PLPP4: variants seen among roughly 807,000 people sequenced by gnomAD.
The protein encoded by PLPP4 is phospholipid phosphatase 4.
PLPP4 carries 20 observed loss-of-function variants against 32.2 expected under a neutral mutation model. The ratio of observed to expected loss-of-function variants is 0.62; its 90% confidence interval spans 0.44 to 0.90. The LOEUF is 0.90. PLPP4 is among the 40% of genes least tolerant of loss of function. The pLI is 0.00. For missense variants in PLPP4, 257 were observed against 353.1 expected (o/e 0.73, Z 2.18); for synonymous variants, 127 against 133.0 (o/e 0.95, Z 0.31).
chr10:120,572,346 G>A (rs1483323872), intron 5 of PLPP4, among the ~76,000 whole-genome samples: 1 of 152,218 alleles, frequency 6.6e-6, no homozygotes, highest in African/African-American at 2.4e-5. Context: ...CCTTCTCCAT[G>A]CCCTGGATGT....
At chr10:120,512,642 A>G (rs1845774157) in intron 2 of PLPP4, among the ~76,000 whole-genome samples, 1 of 152,048 alleles carries the variant, frequency 6.6e-6, no homozygotes, top group African/African-American at 2.4e-5. Flanking sequence ...GTGAGACCCC[A>G]TCTCTGCTAA....
chr10:120,462,344 T>A (rs1003209847), intron 1 of PLPP4, among the ~76,000 whole-genome samples: 2 of 151,652 alleles, frequency 1.3e-5, no homozygotes, highest in African/African-American at 4.8e-5. Context: ...GGCCTGGAGG[T>A]TTGAAACAAA....
In PLPP4 at chr10:120,591,971, G is replaced by A. The variant is rs994185147; in HGVS notation, c.*2469G>A. Among the ~76,000 whole-genome samples, 1 of 152,136 alleles carries A rather than the reference G, an allele frequency of 6.6e-6. No homozygotes were observed. Among genetic ancestry groups the A allele is most frequent in the Non-Finnish European group, 1.5e-5 (1 of 68,020 alleles). On this transcript the variant is annotated 3_prime_UTR_variant, in exon 7 of 7. Transcript: ENST00000398250. ...GTGTAAGCCAGTTCACAAAAGGCAGGCATTTTTACAGATCCTTATGTTTCA... is the reference window on the plus strand; with the variant it reads ...GTGTAAGCCAGTTCACAAAAGGCAGACATTTTTACAGATCCTTATGTTTCA...
chr10:120,459,554 C>T (rs1234140130), intron 1 of PLPP4, among the ~76,000 whole-genome samples: 1 of 152,136 alleles, frequency 6.6e-6, no homozygotes, highest in Admixed American at 6.5e-5. Context: ...GAAATGATGG[C>T]AATATTGGGT....
At chr10:120,467,183 A>T (rs11199359) in intron 1 of PLPP4, among the ~76,000 whole-genome samples, 1,223 of 91,556 alleles carry the variant, frequency 0.013, 107 homozygotes, top group African/African-American at 0.034. Context: ...GGTTCACGCC[A>T]TTCTCCTGCC....
chr10:120,485,654 A>G (rs1414250537), intron 1 of PLPP4, among the ~76,000 whole-genome samples: 1 of 152,250 alleles, frequency 6.6e-6, no homozygotes, highest in African/African-American at 2.4e-5. Context: ...TATTTTTACA[A>G]AAGGACCATT....
At chr10:120,554,139 T>A (rs1848038816) in intron 5 of PLPP4, among the ~76,000 whole-genome samples, 1 of 152,246 alleles carries the variant, frequency 6.6e-6, no homozygotes, top group Admixed American at 6.5e-5. Context: ...TATGACCATA[T>A]GCTGTTAGCA....
chr10:120,487,353 T>C (rs1844507752), intron 1 of PLPP4, among the ~76,000 whole-genome samples: 1 of 152,252 alleles, frequency 6.6e-6, no homozygotes, highest in South Asian at 2.1e-4. Flanking sequence ...ATGTGGTGTG[T>C]AGTGATTTAG....
chr10:120,562,598 G>C (rs80116091), intron 5 of PLPP4, among the ~76,000 whole-genome samples: 2,838 of 152,204 alleles, frequency 0.019, 42 homozygotes, highest in South Asian at 0.037. Context: ...TTTCTAGTTT[G>C]CTAAGAATGA....
At chr10:120,481,965 C>T (rs896469788) in intron 1 of PLPP4, among the ~76,000 whole-genome samples, 1 of 152,218 alleles carries the variant, frequency 6.6e-6, no homozygotes. Context: ...TCTTTGCCTG[C>T]TACCATCCAT....
chr10:120,536,608 T>A (rs889931812), intron 5 of PLPP4, among the ~76,000 whole-genome samples: 3 of 140,774 alleles, frequency 2.1e-5, no homozygotes, highest in Non-Finnish European at 4.6e-5. Context: ...CATAGGGAAA[T>A]AAGATCCTCA....
At chr10:120,574,841 C>G (rs1195944886) in intron 5 of PLPP4, among the ~76,000 whole-genome samples, 1 of 152,250 alleles carries the variant, frequency 6.6e-6, no homozygotes, top group African/African-American at 2.4e-5. Context: ...TTCCCCACAT[C>G]TAGTGCAGTG....
chr10:120,570,877 G>T (rs982503374), intron 5 of PLPP4, among the ~76,000 whole-genome samples: 5 of 152,140 alleles, frequency 3.3e-5, no homozygotes, highest in African/African-American at 1.2e-4. Context: ...CAGCCAGTGA[G>T]CATCACCAAG....
chr10:120,566,289 G>A (rs1346960766), intron 5 of PLPP4, among the ~76,000 whole-genome samples: 1 of 152,004 alleles, frequency 6.6e-6, no homozygotes, highest in Non-Finnish European at 1.5e-5. Context: ...ATACTTTGAT[G>A]TCTGGGTTGA....
intron 5 of PLPP4, among the ~76,000 whole-genome samples, chr10:120,525,266 G>A (rs947111109): frequency 2.6e-5 from 4 of 152,202 alleles, no homozygotes; most frequent in Non-Finnish European, 5.9e-5. Context: ...AGTCGCCCAT[G>A]CTCCAAACAG....
intron 5 of PLPP4, among the ~76,000 whole-genome samples, chr10:120,567,576 G>C (rs1161040032): frequency 6.6e-6 from 1 of 152,176 alleles, no homozygotes. Context: ...GTTAGCAAGT[G>C]GATCTCAATT....
chr10:120,475,687 G>A (rs996057133), intron 1 of PLPP4, among the ~76,000 whole-genome samples: 1 of 152,190 alleles, frequency 6.6e-6, no homozygotes, highest in Non-Finnish European at 1.5e-5. Context: ...CTGGCCTGAG[G>A]TTTCCTGTAG....
chr10:120,460,030 C>T (rs1847969806), intron 1 of PLPP4, among the ~76,000 whole-genome samples: 1 of 152,152 alleles, frequency 6.6e-6, no homozygotes, highest in South Asian at 2.1e-4. Context: ...CCAGGCACCC[C>T]CGCTCCCGCA....
chr10:120,464,543 G>A (rs1400985512), intron 1 of PLPP4, among the ~76,000 whole-genome samples: 2 of 152,158 alleles, frequency 1.3e-5, no homozygotes, highest in Admixed American at 1.3e-4. Flanking sequence ...GAGTTTGTCC[G>A]ATGAGTCGGA....
Sources: allele counts gnomAD v4.1 joint callset (sites outside exome capture counted in the v4.1 genomes callset), GRCh38; gene constraint gnomAD v4.1.1; transcripts MANE v1.5; gene names NCBI Gene and HGNC (gene_info 2026-07-23, HGNC 2026-07-21).